Variants in TRAF1 observed in about 807,000 individuals in gnomAD.
TRAF1 encodes TNF receptor associated factor 1.
In TRAF1, 23 loss-of-function variants were observed where a neutral mutation model predicts 40.9. The observed-to-expected ratio is 0.56, with a 90% CI of 0.40 to 0.80. The LOEUF is 0.80. Ranked by LOEUF, TRAF1 falls within the 30% of genes least tolerant of loss-of-function variation. The pLI, the probability that TRAF1 is intolerant of heterozygous loss-of-function variation, is 0.00. For synonymous variants in TRAF1, 206 were observed against 218.8 expected, an observed-to-expected ratio of 0.94 and a Z score of 0.52; for missense variants, 477 against 528.7, an observed-to-expected ratio of 0.90 and a Z score of 0.96.
At chr9:120,914,794 C>G (rs1408211994) in intron 3 of TRAF1, among the ~76,000 whole-genome samples, 1 of 152,202 alleles carries the variant, frequency 6.6e-6, no homozygotes, top group African/African-American at 2.4e-5. Context: ...TGTGTCCACT[C>G]CGCACAACTT....
intron 3 of TRAF1, among the ~76,000 whole-genome samples, chr9:120,922,150 G>A (rs1024932775): frequency 8.5e-5 from 13 of 152,202 alleles, no homozygotes; most frequent in African/African-American, 9.6e-5. Context: ...GCTGAGCAAC[G>A]AGACTCCTCT....
chr9:120,923,368 G>T (rs2046617236), intron 3 of TRAF1, among the ~76,000 whole-genome samples: 3 of 152,302 alleles, frequency 2.0e-5, no homozygotes, highest in Admixed American at 6.5e-5. Flanking sequence ...ATTATGCATG[G>T]CCTATCATTC....
chr9:120,913,036 G>A (rs1464926016), intron 5 of TRAF1, among the ~76,000 whole-genome samples: 1 of 152,162 alleles, frequency 6.6e-6, no homozygotes, highest in East Asian at 1.9e-4. Context: ...GTACAAGGAA[G>A]AACTTGCTAA....
chr9:120,906,803 A>C (rs1015778539), intron 7 of TRAF1, among the ~76,000 whole-genome samples: 4 of 152,182 alleles, frequency 2.6e-5, no homozygotes, highest in Non-Finnish European at 5.9e-5. Context: ...CCTGTGCTCT[A>C]TTCATCTCTC....
chr9:120,917,020 T>C (rs1407816835), intron 3 of TRAF1, among the ~76,000 whole-genome samples: 1 of 149,814 alleles, frequency 6.7e-6, no homozygotes, highest in African/African-American at 2.5e-5. Context: ...GATAAGAACA[T>C]GAAAATGATC....
At position 120,911,320 on chromosome 9, in the gene TRAF1, C is replaced by A; in HGVS notation, c.883+16G>T. On this transcript the variant is annotated intron_variant, in intron 6 of 7. Transcript: ENST00000373887. ...TGTTTCCCCAGGCAGGTCTCTGTGC[C>A]CCTGGGAGGTGTTACCTGGGGAGAA... is the stretch of plus-strand genomic sequence containing the variant. 3.7e-6 allele frequency: 6 copies of A among 1,609,818 alleles called. No homozygotes were observed. Among genetic ancestry groups the A allele is most frequent in the Non-Finnish European group, 5.1e-6 (6 of 1,177,354 alleles).
intron 1 of TRAF1, 74 bp from the exon 2 acceptor site, chr9:120,926,375 C>A (rs139552801): frequency 4.0e-4 from 91 of 230,134 alleles, no homozygotes; most frequent in South Asian, 3.7e-3. Flanking sequence ...GAGAAAATGA[C>A]CCGTGTCACA....
At chr9:120,920,037 C>A (rs1048116676) in intron 3 of TRAF1, among the ~76,000 whole-genome samples, 1 of 152,200 alleles carries the variant, frequency 6.6e-6, no homozygotes, top group African/African-American at 2.4e-5. Context: ...CAGGATGTCA[C>A]AGGATCGGGG....
chr9:120,913,310 C>A lies in TRAF1; in HGVS notation c.705+18G>T. 6.3e-7 allele frequency: 1 copy of A among 1,578,520 alleles called. No individual in the cohort carries two copies. Among genetic ancestry groups the A allele is most frequent in the South Asian group, 1.2e-5 (1 of 86,512 alleles). ...GGGCTCAGCCGGGCTTGAAGGCAAACCTGCCTCCCACACTCACCCTCTGCT... is the reference window on the plus strand; with the variant it reads ...GGGCTCAGCCGGGCTTGAAGGCAAAACTGCCTCCCACACTCACCCTCTGCT... On this transcript the variant is annotated intron_variant, in intron 5 of 7. Transcript: ENST00000373887.
chr9:120,912,472 T>C (rs1390131058), intron 5 of TRAF1, among the ~76,000 whole-genome samples: 5 of 152,092 alleles, frequency 3.3e-5, no homozygotes, highest in Admixed American at 2.6e-4. Flanking sequence ...CTGACCAACA[T>C]GGTGAAACCC....
intron 3 of TRAF1, among the ~76,000 whole-genome samples, chr9:120,922,742 C>T (rs756482313): frequency 1.3e-5 from 2 of 152,158 alleles, no homozygotes; most frequent in South Asian, 2.1e-4. Context: ...AGTTTGCTAA[C>T]CTTTTTTATG....
chr9:120,913,512 T>G lies in TRAF1; in HGVS notation c.521A>C (p.Glu174Ala). 1.2e-6 allele frequency: 2 copies of G among 1,613,972 alleles called. No individual in the cohort carries two copies. The highest frequency in any genetic ancestry group is 1.7e-6 in the Non-Finnish European group (2 of 1,179,994). Residue 174 changes from glutamate to alanine, a missense_variant, in exon 5 of 8, where the codon GAG becomes GCG. Glu to Ala is a moderately radical substitution (Grantham distance 107). Coordinates refer to ENST00000373887, the MANE Select transcript of TRAF1 (RefSeq NM_005658.5). ...CATGAAGTGCTGCAGGGCCAGCTCC[T>G]CCTGGCTCTCGGAGCAGGGTGCCCG... is the stretch of plus-strand genomic sequence containing the variant. ...CYRAPCSESQ[E>A]ELALQHFMKE... is the part of the protein sequence containing the mutation.
intron 3 of TRAF1, among the ~76,000 whole-genome samples, chr9:120,914,821 T>A (rs1269968687): frequency 6.6e-6 from 1 of 152,156 alleles, no homozygotes; most frequent in Non-Finnish European, 1.5e-5. Context: ...CCAGATAACA[T>A]CCAGCCTGAG....
chr9:120,926,021 G>T lies in TRAF1; in HGVS notation c.55C>A (p.Pro19Thr). ...CAGACGGTGGGAGGGCACCCAAAGG[G>T]AAACTCATTCTCATCAGGGGCCGGG... ...PRPAPDENEF[P>T]FGCPPTVCQD... The change falls in exon 2 of 8, where the codon CCC becomes ACC. Residue 19 changes from proline to threonine, a missense_variant. Coordinates refer to ENST00000373887, the MANE Select transcript of TRAF1 (RefSeq NM_005658.5). 2 of 1,612,744 alleles carry T rather than the reference G, an allele frequency of 1.2e-6. No individual in the cohort carries two copies. Among genetic ancestry groups the T allele is most frequent in the Non-Finnish European group, 1.7e-6 (2 of 1,179,372 alleles).
chr9:120,923,601 T>C, intron 3 of TRAF1, 104 bp downstream of exon 3: 1 of 1,025,108 alleles, frequency 9.8e-7, no homozygotes, highest in Non-Finnish European at 1.5e-6. Flanking sequence ...TCAGGACTAG[T>C]TGGGAGGTGC....
rs2131614951 is a variant in TRAF1, at chr9:120,904,489, TAG to T, written c.*529_*530del. ...AAATCCAACCCCCAATTTGAAGTCCTAGTGGAGCCGTCTGGGTTTGCTTGTTC... is the reference window on the plus strand; with the variant it reads ...AAATCCAACCCCCAATTTGAAGTCCTTGGAGCCGTCTGGGTTTGCTTGTTC... On this transcript the variant is annotated 3_prime_UTR_variant, in exon 8 of 8. Coordinates refer to ENST00000373887, the MANE Select transcript of TRAF1 (RefSeq NM_005658.5). The T allele has an allele frequency of 1.3e-5, 2 of 154,744 alleles. No homozygotes were observed. The highest frequency in any genetic ancestry group is 6.3e-5 in the Admixed American group (1 of 15,764). The allele number at this position is 154,744 out of a possible 1,614,324, so 9.6% of individuals were successfully genotyped here.
intron 2 of TRAF1, among the ~76,000 whole-genome samples, chr9:120,924,995 T>C (rs990090925): frequency 1.3e-5 from 2 of 152,220 alleles, no homozygotes; most frequent in African/African-American, 4.8e-5. Context: ...GACAATCCGC[T>C]TGATGGTAAA....
chr9:120,910,442 C>T (rs1195910326), intron 6 of TRAF1, among the ~76,000 whole-genome samples: 3 of 152,136 alleles, frequency 2.0e-5, no homozygotes, highest in Non-Finnish European at 2.9e-5. Flanking sequence ...GCTTTGTTGC[C>T]TGGACTGGAG....
At chr9:120,925,225 A>C (rs2046631333) in intron 2 of TRAF1, among the ~76,000 whole-genome samples, 1 of 152,232 alleles carries the variant, frequency 6.6e-6, no homozygotes, top group African/African-American at 2.4e-5. Context: ...AGCTGACCTA[A>C]TCTGTTAGGC....
Sources: gnomAD v4.1 joint callset for allele counts (sites outside exome capture counted in the v4.1 genomes callset) on GRCh38, gnomAD v4.1.1 for gene constraint, MANE v1.5 for transcripts, NCBI Gene and HGNC (gene_info 2026-07-23, HGNC 2026-07-21) for gene names.